Variants in DPP8 observed in about 807,000 individuals in gnomAD.
The protein encoded by DPP8 is dipeptidyl peptidase 8.
Under a neutral mutation model 107.5 loss-of-function variants are expected in DPP8, and 31 were observed. The observed-to-expected ratio is 0.29, with a 90% CI of 0.22 to 0.39. The LOEUF is 0.39. Among genes scored for constraint, DPP8 ranks in the 10% least tolerant of loss-of-function variants. The pLI is 1.00. For missense variants in DPP8, 842 were observed against 1,076.1 expected (o/e 0.78, Z 3.04); for synonymous variants, 381 against 356.6 (o/e 1.07, Z -0.77).
At chr15:65,492,640 G>A (rs891780827) in intron 5 of DPP8, among the ~76,000 whole-genome samples, 1 of 152,028 alleles carries the variant, frequency 6.6e-6, no homozygotes, top group Non-Finnish European at 1.5e-5. Flanking sequence ...CTGTCACCAA[G>A]GGTAGAGCGC....
At position 65,466,997 on chromosome 15, in the gene DPP8, A is replaced by T; in HGVS notation, c.1689+74T>A. 1.9e-6 allele frequency: 3 copies of T among 1,556,950 alleles called. No individual in the cohort carries two copies. In the South Asian group the frequency reaches 3.6e-5, roughly 19 times the overall value. On this transcript the variant is annotated intron_variant, in intron 13 of 19. Coordinates refer to ENST00000300141, the MANE Select transcript of DPP8 (RefSeq NM_130434.5). The stretch of plus-strand genomic sequence containing the variant: ...TTAGGCTTTTGCAGGCCAATTTCAC[A>T]TCATTCAAAAGGAGTATTACATAAG...
At chr15:65,457,862 T>A (rs2064563107) in intron 15 of DPP8, among the ~76,000 whole-genome samples, 2 of 152,078 alleles carry the variant, frequency 1.3e-5, no homozygotes, top group African/African-American at 4.8e-5. Context: ...GGTACAATCA[T>A]AGTTCACTAC....
At chr15:65,516,555 G>A (rs904488038) in intron 1 of DPP8, 2 of 152,208 alleles carry the variant, frequency 1.3e-5, no homozygotes, top group Non-Finnish European at 2.9e-5. Flanking sequence ...GCAAGTGCAG[G>A]AAAAACAGCG....
At chr15:65,470,328 G>C (rs576701356) in intron 12 of DPP8, among the ~76,000 whole-genome samples, 1 of 151,046 alleles carries the variant, frequency 6.6e-6, no homozygotes, top group South Asian at 2.1e-4. Context: ...GGAAAGGGCT[G>C]GGCATGGTGG....
chr15:65,466,107 G>A (rs954205335), intron 14 of DPP8, among the ~76,000 whole-genome samples: 1 of 152,044 alleles, frequency 6.6e-6, no homozygotes, highest in Non-Finnish European at 1.5e-5. Context: ...TGAATAAATT[G>A]TTTCCTAGCT....
At chr15:65,463,722 C>T in intron 15 of DPP8, 39 bp downstream of exon 15, 5 of 1,519,084 alleles carry the variant, frequency 3.3e-6, no homozygotes, top group East Asian at 2.3e-5. Flanking sequence ...AATACATATG[C>T]ATATGGGTGT....
chr15:65,493,191 C>G (rs546965952), intron 5 of DPP8, among the ~76,000 whole-genome samples: 2 of 152,220 alleles, frequency 1.3e-5, no homozygotes, highest in South Asian at 4.1e-4. Flanking sequence ...TCAAGCGATT[C>G]TCCTGCCTAA....
chr15:65,475,171 G>A (rs975129092), intron 11 of DPP8: 1 of 377,294 alleles, frequency 2.7e-6, no homozygotes, highest in East Asian at 4.7e-5. Context: ...GGGTAAAGGA[G>A]GAAGTCCAGG....
Position 65,480,288 on chromosome 15 carries a change from A to C in DPP8, c.1230T>G (p.Ile410Met), listed in dbSNP as rs765959653. ...EDDVMERQRL[I>M]ESVPDSVTPL... ...GCGTCACAGAATCAGGCACTGACTC[A>C]ATGAGTCTCTGCCTTTCCATAACAT... The change falls in exon 10 of 20, where the codon ATT (isoleucine) becomes ATG (methionine). Residue 410 changes from isoleucine to methionine, a missense_variant. By Grantham distance (10) the Ile-to-Met change is conservative. Transcript: ENST00000300141. 7.4e-6 allele frequency: 12 copies of C among 1,614,032 alleles called. No individual in the cohort carries two copies. The East Asian group carries it at 2.7e-4, about 36-fold the overall frequency.
intron 9 of DPP8, among the ~76,000 whole-genome samples, 185 bp downstream of exon 9, chr15:65,481,330 A>G (rs959431872): frequency 2.0e-5 from 3 of 152,240 alleles, no homozygotes; most frequent in Admixed American, 1.3e-4. Flanking sequence ...CAGTGCACCT[A>G]TGCCTATAGG....
In DPP8 at chr15:65,467,136, C is replaced by T. The variant is rs780061945; in HGVS notation, c.1624G>A (p.Val542Ile). 26 of 1,614,022 alleles carry T rather than the reference C, an allele frequency of 1.6e-5. No individual in the cohort carries two copies. The East Asian group carries it at 2.0e-4, about 12-fold the overall frequency. The change falls in exon 13 of 20, where the codon GTA becomes ATA. Residue 542 changes from valine to isoleucine, a missense_variant. Transcript: ENST00000300141. ...LEHHLYVVSY[V>I]NPGEVTRLTD... ...AGCCTTGTCACCTCTCCAGGATTTACGTAACTGACTACGTACAGGTGATGC... is the reference window on the plus strand; with the variant it reads ...AGCCTTGTCACCTCTCCAGGATTTATGTAACTGACTACGTACAGGTGATGC...
rs192825744 is a variant in DPP8 at position 65,442,897 on chromosome 15, C to A, written c.*3987G>T. ...TATCTGCTGGGAATAGACACACTCA[C>A]CTTATATAGTTTAGAAATGGCCATG... is the stretch of plus-strand genomic sequence containing the variant. On this transcript the variant is annotated 3_prime_UTR_variant, in exon 20 of 20. Transcript: ENST00000300141. The A allele has an allele frequency of 2.0e-5, 3 of 152,278 alleles. No individual in the cohort carries two copies. Among genetic ancestry groups the A allele is most frequent in the Admixed American group, 2.0e-4 (3 of 15,294 alleles). The allele number at this position is 152,278 out of a possible 1,614,324, so 9.4% of individuals were successfully genotyped here.
intron 4 of DPP8, among the ~76,000 whole-genome samples, chr15:65,498,325 G>C (rs1014042188): frequency 6.6e-6 from 1 of 152,062 alleles, no homozygotes; most frequent in African/African-American, 2.4e-5. Flanking sequence ...GGGAGGCTGA[G>C]GCAGGAGAAT....
intron 12 of DPP8, among the ~76,000 whole-genome samples, chr15:65,469,250 C>T (rs974123046): frequency 6.6e-6 from 1 of 151,506 alleles, no homozygotes; most frequent in African/African-American, 2.4e-5. Context: ...GCTGGGATTA[C>T]AGGCATGAGC....
At chr15:65,459,992 T>G (rs1400418969) in intron 15 of DPP8, among the ~76,000 whole-genome samples, 2 of 152,066 alleles carry the variant, frequency 1.3e-5, no homozygotes, top group African/African-American at 4.8e-5. Context: ...TTGGCTAACA[T>G]TTTTTAAATT....
intron 17 of DPP8, 130 bp from the exon 18 acceptor site, chr15:65,452,232 G>T: frequency 2.0e-6 from 2 of 993,948 alleles, no homozygotes; most frequent in Non-Finnish European, 2.8e-6. Flanking sequence ...GCGCATACAT[G>T]TCTTAGGCAA....
intron 2 of DPP8, among the ~76,000 whole-genome samples, chr15:65,509,111 C>T (rs115034956): frequency 1.9e-3 from 295 of 152,142 alleles, no homozygotes; most frequent in African/African-American, 6.9e-3. Context: ...GTTTATGTTG[C>T]CTTTGGAGTA....
Position 65,502,253 on chromosome 15 carries a change from C to A in DPP8, c.373-1474G>T, listed in dbSNP as rs185904608. 4.6e-4 allele frequency among the ~76,000 whole-genome samples: 69 copies of A among 150,924 alleles called. 1 individual carries two copies. In the East Asian group the frequency reaches 0.011, roughly 24 times the overall value. On this transcript the variant is annotated intron_variant, in intron 3 of 19. Coordinates refer to ENST00000300141, the MANE Select transcript of DPP8 (RefSeq NM_130434.5). The stretch of plus-strand genomic sequence containing the variant: ...TATTTATAGGAGTTACTGTCTGTTA[C>A]TTATTTAACTATGGTATTGTTTTTC...
In DPP8 at chr15:65,460,210, C is replaced by T. The variant is rs139370209; in HGVS notation, c.1971+3551G>A. Among the ~76,000 whole-genome samples, 986 of 151,766 alleles carry T rather than the reference C, an allele frequency of 6.5e-3. 4 individuals are homozygous for T. Among genetic ancestry groups the T allele is most frequent in the Non-Finnish European group, 8.0e-3 (546 of 67,920 alleles). The stretch of plus-strand genomic sequence containing the variant: ...TAATACCAGCACTATGGGAGGCTGA[C>T]GCGGGTGGATCATTTGAGGTCAGGA... On this transcript the variant is annotated intron_variant, in intron 15 of 19. Transcript: ENST00000300141.
Sources: allele counts gnomAD v4.1 joint callset (sites outside exome capture counted in the v4.1 genomes callset), GRCh38; gene constraint gnomAD v4.1.1; transcripts MANE v1.5; gene names NCBI Gene and HGNC (gene_info 2026-07-23, HGNC 2026-07-21).